Variants in GRIK4 observed in about 807,000 individuals in gnomAD.
GRIK4 encodes glutamate receptor ionotropic, kainate 4.
GRIK4 carries 40 observed loss-of-function variants against 104.9 expected under a neutral mutation model. The ratio of observed to expected loss-of-function variants is 0.38; its 90% confidence interval spans 0.30 to 0.50. GRIK4 has a LOEUF of 0.50. GRIK4 is among the 20% of genes least tolerant of loss of function. The pLI, the probability that GRIK4 is intolerant of heterozygous loss-of-function variation, is 0.93. For synonymous variants in GRIK4, 485 were observed against 524.9 expected (o/e 0.92, Z 1.04); for missense variants, 1,047 against 1,308.1 (o/e 0.80, Z 3.08).
chr11:120,684,122 C>T (rs1177820482), intron 3 of GRIK4, among the ~76,000 whole-genome samples: 2 of 151,958 alleles, frequency 1.3e-5, no homozygotes, highest in South Asian at 2.1e-4. Context: ...GCCAGGAGTT[C>T]GAGACCAGCC....
intron 3 of GRIK4, among the ~76,000 whole-genome samples, chr11:120,742,521 TTATTA>T (rs1486442875): frequency 5.5e-5 from 3 of 54,938 alleles, no homozygotes; most frequent in Non-Finnish European, 8.5e-5. Flanking sequence ...ATTATTATTA[TTATTA>T]TTTTTTTTTG....
At chr11:120,741,084 T>C (rs3132778) in intron 3 of GRIK4, among the ~76,000 whole-genome samples, 33,088 of 151,888 alleles carry the variant, frequency 0.22, 5,007 homozygotes, top group African/African-American at 0.43. Context: ...GTCTCTCTCG[T>C]TCGTGTAATT....
At chr11:120,784,220 C>T (rs368284456) in intron 3 of GRIK4, among the ~76,000 whole-genome samples, 22 of 152,306 alleles carry the variant, frequency 1.4e-4, no homozygotes, top group South Asian at 1.2e-3. Flanking sequence ...AGCTTGGACT[C>T]GGAACCCCCG....
chr11:120,861,093 C>CTTTTTTTTT (rs547199127), intron 8 of GRIK4, among the ~76,000 whole-genome samples: 10 of 86,568 alleles, frequency 1.2e-4, no homozygotes, highest in African/African-American at 3.6e-4. Context: ...AAATCATCCT[C>CTTTTTTTTT]TTTTTTTTTT....
intron 1 of GRIK4, among the ~76,000 whole-genome samples, chr11:120,652,295 T>A (rs188289467): frequency 6.6e-6 from 1 of 152,336 alleles, no homozygotes; most frequent in Non-Finnish European, 1.5e-5. Flanking sequence ...TTTTACAGAA[T>A]GAGAGACTGC....
At chr11:120,948,903 G>A (rs1318432212) in intron 14 of GRIK4, among the ~76,000 whole-genome samples, 1 of 152,164 alleles carries the variant, frequency 6.6e-6, no homozygotes, top group Non-Finnish European at 1.5e-5. Context: ...ATGTTATACA[G>A]GAGGAAACAG....
intron 1 of GRIK4, among the ~76,000 whole-genome samples, chr11:120,612,325 T>C (rs562147062): frequency 1.0e-3 from 152 of 152,342 alleles, no homozygotes; most frequent in Non-Finnish European, 1.8e-3. Flanking sequence ...GGAAGCCTGT[T>C]CAGCTGTTAT....
intron 13 of GRIK4, among the ~76,000 whole-genome samples, chr11:120,912,606 T>C (rs1259698728): frequency 1.3e-5 from 2 of 152,214 alleles, no homozygotes; most frequent in Middle Eastern, 3.4e-3. Flanking sequence ...AGTGATTGAA[T>C]TGTGAACAAG....
intron 12 of GRIK4, among the ~76,000 whole-genome samples, chr11:120,901,027 C>T (rs1343414122): frequency 6.6e-6 from 1 of 152,168 alleles, no homozygotes; most frequent in East Asian, 1.9e-4. Flanking sequence ...CCGCAAAGCC[C>T]CTGCCCTAAT....
chr11:120,519,872 TTTTTTTTG>T (rs1158429035), intron 1 of GRIK4, among the ~76,000 whole-genome samples: 99 of 104,918 alleles, frequency 9.4e-4, no homozygotes, highest in African/African-American at 3.5e-3. Flanking sequence ...CTGGTTTTTT[TTTTTTTTG>T]TTTTTTTTTT....
intron 13 of GRIK4, among the ~76,000 whole-genome samples, chr11:120,916,766 G>T (rs1190282026): frequency 1.3e-5 from 2 of 152,210 alleles, no homozygotes; most frequent in Non-Finnish European, 2.9e-5. Context: ...AAACAGAAAT[G>T]AACTTCGTGT....
intron 13 of GRIK4, among the ~76,000 whole-genome samples, chr11:120,924,589 T>C (rs1943301366): frequency 6.6e-6 from 1 of 152,102 alleles, no homozygotes; most frequent in Non-Finnish European, 1.5e-5. Flanking sequence ...CCCACCTCTT[T>C]CCTGTTTCAC....
intron 8 of GRIK4, among the ~76,000 whole-genome samples, chr11:120,847,381 A>G (rs1953875819): frequency 6.6e-6 from 1 of 152,220 alleles, no homozygotes. Flanking sequence ...AGATTATCAT[A>G]AATCAGTGGG....
chr11:120,595,963 C>T (rs1948796539), intron 1 of GRIK4, among the ~76,000 whole-genome samples: 1 of 152,260 alleles, frequency 6.6e-6, no homozygotes, highest in Non-Finnish European at 1.5e-5. Context: ...TCTTGTGCCT[C>T]ACCCTCCTGA....
intron 17 of GRIK4, 135 bp downstream of exon 17, chr11:120,961,209 G>A: frequency 2.5e-6 from 2 of 789,958 alleles, no homozygotes; most frequent in South Asian, 1.8e-5. Flanking sequence ...GTCCACATGG[G>A]GCTCATTTAT....
At chr11:120,810,556 A>G (rs978733263) in intron 4 of GRIK4, among the ~76,000 whole-genome samples, 1 of 152,196 alleles carries the variant, frequency 6.6e-6, no homozygotes, top group African/African-American at 2.4e-5. Context: ...AGCCTAGACC[A>G]TGGTAGTCTG....
chr11:120,654,738 G>A (rs796813440), intron 2 of GRIK4, among the ~76,000 whole-genome samples: 11 of 152,244 alleles, frequency 7.2e-5, no homozygotes, highest in African/African-American at 2.4e-4. Flanking sequence ...GCAATTCCAC[G>A]AGGGGACTAT....
At chr11:120,557,355 C>T (rs1302462289) in intron 1 of GRIK4, among the ~76,000 whole-genome samples, 1 of 152,230 alleles carries the variant, frequency 6.6e-6, no homozygotes, top group African/African-American at 2.4e-5. Flanking sequence ...ATCCAGTCTC[C>T]TCACAGGCTG....
chr11:120,968,520 T>A (rs1441446915), intron 19 of GRIK4, among the ~76,000 whole-genome samples: 2 of 152,252 alleles, frequency 1.3e-5, no homozygotes, highest in African/African-American at 4.8e-5. Flanking sequence ...AGACAGTGAA[T>A]GAATAACTAT....
Sources: allele counts gnomAD v4.1 joint callset (sites outside exome capture counted in the v4.1 genomes callset), GRCh38; gene constraint gnomAD v4.1.1; transcripts MANE v1.5; gene names NCBI Gene and HGNC (gene_info 2026-07-23, HGNC 2026-07-21).